ERC2: variants seen among roughly 807,000 people sequenced by gnomAD.
ERC2 encodes ERC protein 2.
ERC2 carries 42 observed loss-of-function variants against 114.8 expected under a neutral mutation model. The ratio of observed to expected loss-of-function variants is 0.37; its 90% CI spans 0.29 to 0.47. The LOEUF is 0.47. Among genes scored for constraint, ERC2 ranks in the 20% least tolerant of loss-of-function variants. ERC2 has a pLI of 0.99. For missense variants in ERC2, 939 were observed against 1,150.7 expected, an observed-to-expected ratio of 0.82 and a Z score of 2.66; for synonymous variants, 454 against 425.5, an observed-to-expected ratio of 1.07 and a Z score of -0.82.
At chr3:56,110,195 C>T (rs889601954) in intron 6 of ERC2, among the ~76,000 whole-genome samples, 3 of 152,104 alleles carry the variant, frequency 2.0e-5, no homozygotes, top group Admixed American at 6.5e-5. Context: ...ACTAGCAAGG[C>T]TATAGGAAAT....
intron 6 of ERC2, among the ~76,000 whole-genome samples, chr3:56,103,578 C>T (rs967938178): frequency 6.6e-6 from 1 of 152,028 alleles, no homozygotes; most frequent in African/African-American, 2.4e-5. Context: ...ATTTGGCAGT[C>T]TCTGTAGATA....
At chr3:56,254,310 G>T (rs1442397242) in intron 3 of ERC2, among the ~76,000 whole-genome samples, 16 of 151,618 alleles carry the variant, frequency 1.1e-4, no homozygotes. Context: ...AGAGTTAACA[G>T]CATTCCTTAA....
intron 11 of ERC2, among the ~76,000 whole-genome samples, chr3:55,988,810 C>G (rs968529756): frequency 1.3e-5 from 2 of 152,208 alleles, no homozygotes; most frequent in African/African-American, 4.8e-5. Context: ...TGTCACATTG[C>G]TAAGAACTCT....
intron 7 of ERC2, among the ~76,000 whole-genome samples, chr3:56,040,098 T>A (rs191702060): frequency 2.6e-5 from 4 of 152,088 alleles, no homozygotes; most frequent in South Asian, 2.1e-4. Context: ...GATTTTTTTT[T>A]AAATAAAACC....
chr3:56,344,347 C>T (rs1469591206), intron 2 of ERC2, among the ~76,000 whole-genome samples: 1 of 152,112 alleles, frequency 6.6e-6, no homozygotes. Flanking sequence ...CTCCACCGTC[C>T]CCAATTAGCA....
At chr3:56,276,528 G>T (rs1222977133) in intron 3 of ERC2, among the ~76,000 whole-genome samples, 2 of 147,916 alleles carry the variant, frequency 1.4e-5, no homozygotes, top group Non-Finnish European at 3.0e-5. Flanking sequence ...CAAAAAATTA[G>T]TTCAAGTTGA....
At chr3:56,136,047 T>A (rs2080484009) in intron 6 of ERC2, among the ~76,000 whole-genome samples, 1 of 152,178 alleles carries the variant, frequency 6.6e-6, no homozygotes, top group African/African-American at 2.4e-5. Flanking sequence ...TCTATTGATT[T>A]ATTGCACACA....
chr3:55,544,003 G>A (rs888120225), intron 17 of ERC2, among the ~76,000 whole-genome samples: 4 of 152,192 alleles, frequency 2.6e-5, no homozygotes, highest in African/African-American at 9.7e-5. Flanking sequence ...TGAGGTGGCT[G>A]CTGTTGGTCC....
chr3:56,133,590 C>T (rs2080331528), intron 6 of ERC2, among the ~76,000 whole-genome samples: 2 of 152,184 alleles, frequency 1.3e-5, no homozygotes, highest in South Asian at 4.1e-4. Flanking sequence ...TTGCCATTTA[C>T]CTCTGTATGA....
At chr3:56,279,675 T>G (rs1434880122) in intron 3 of ERC2, among the ~76,000 whole-genome samples, 1 of 152,208 alleles carries the variant, frequency 6.6e-6, no homozygotes, top group Non-Finnish European at 1.5e-5. Context: ...CTTCGGGCAA[T>G]GCAGGGTTCT....
At chr3:55,547,664 A>T (rs1223461805) in intron 17 of ERC2, among the ~76,000 whole-genome samples, 2 of 152,198 alleles carry the variant, frequency 1.3e-5, no homozygotes, top group Non-Finnish European at 2.9e-5. Context: ...GGGGAGAAAT[A>T]AAAAGCTAGT....
intron 13 of ERC2, among the ~76,000 whole-genome samples, chr3:55,891,691 C>T (rs962132744): frequency 1.4e-4 from 21 of 152,054 alleles, no homozygotes; most frequent in Middle Eastern, 3.4e-3. Flanking sequence ...ATGATCCACC[C>T]GCCTTGGCCT....
At chr3:55,612,900 C>T (rs2058967259) in intron 17 of ERC2, 1 of 152,164 alleles carries the variant, frequency 6.6e-6, no homozygotes, top group South Asian at 2.1e-4. Context: ...AAAGAAAGCT[C>T]TTTCTACATC....
intron 14 of ERC2, among the ~76,000 whole-genome samples, chr3:55,838,542 T>C (rs913871516): frequency 2.0e-5 from 3 of 151,940 alleles, no homozygotes; most frequent in African/African-American, 4.8e-5. Context: ...ATACAGAATG[T>C]AGATAAAACA....
At chr3:55,748,378 C>T (rs1038112421) in intron 14 of ERC2, among the ~76,000 whole-genome samples, 3 of 152,178 alleles carry the variant, frequency 2.0e-5, no homozygotes, top group Non-Finnish European at 2.9e-5. Flanking sequence ...CTGTGTACCA[C>T]GTACCAGGGA....
intron 15 of ERC2, among the ~76,000 whole-genome samples, chr3:55,726,174 TG>T (rs1326056045): frequency 6.6e-5 from 10 of 152,366 alleles, no homozygotes; most frequent in Admixed American, 6.5e-4. Context: ...GTGGGTCTGC[TG>T]TAAAAACCAA....
intron 14 of ERC2, among the ~76,000 whole-genome samples, chr3:55,811,760 C>T (rs9855277): frequency 0.022 from 3,386 of 152,264 alleles, 138 homozygotes; most frequent in African/African-American, 0.077. Flanking sequence ...TGTTACGTAT[C>T]CCATTCTCAA....
intron 5 of ERC2, among the ~76,000 whole-genome samples, chr3:56,146,570 A>G (rs1575586174): frequency 6.6e-6 from 1 of 152,336 alleles, no homozygotes; most frequent in Non-Finnish European, 1.5e-5. Context: ...TTATTTGGTT[A>G]TACCTCTTCA....
chr3:55,641,210 G>C lies in ERC2; in HGVS notation c.*39+42584C>G, dbSNP rs557118619. ...CCAATGCCATTGTTTTTAGCCCCTA[G>C]ATGCAGCCATACCTGAAGTCATTAT... On this transcript the variant is annotated intron_variant, in intron 17 of 17. Transcript: ENST00000288221. Among the ~76,000 whole-genome samples, 3 of 152,266 alleles carry C rather than the reference G, an allele frequency of 2.0e-5. No individual in the cohort carries two copies. The South Asian group carries it at 6.2e-4, about 32-fold the overall frequency.
Sources: allele counts gnomAD v4.1 joint callset (sites outside exome capture counted in the v4.1 genomes callset), GRCh38; gene constraint gnomAD v4.1.1; transcripts MANE v1.5; gene names NCBI Gene and HGNC (gene_info 2026-07-23, HGNC 2026-07-21).